Variants in OPN3 observed in about 807,000 individuals in gnomAD.
The protein encoded by OPN3 is opsin-3.
Under a neutral mutation model 33.8 loss-of-function variants are expected in OPN3, and 29 were observed. That is an observed-to-expected ratio of 0.86 (90% CI 0.64 to 1.17). The LOEUF is 1.17. OPN3 is among the 50% of genes most tolerant of loss of function. OPN3 has a pLI of 0.00. For missense variants in OPN3, 437 were observed against 514.1 expected, an observed-to-expected ratio of 0.85 and a Z score of 1.45; for synonymous variants, 216 against 216.1, an observed-to-expected ratio of 1.00 and a Z score of 0.00.
In OPN3 at chr1:241,604,088, T is replaced by A. The variant is rs577350732; in HGVS notation, c.693+172A>T. 1.1e-3 allele frequency among the ~76,000 whole-genome samples: 168 copies of A among 152,308 alleles called. 1 individual carries two copies. The highest frequency in any genetic ancestry group is 1.9e-3 in the Non-Finnish European group (132 of 68,020). Reference sequence around the variant, plus strand: ...GAGAGTAAATGCTATTCCGCATTGATCTTTCCAGAGAGTGACTCATAGCAT... The same window carrying A: ...GAGAGTAAATGCTATTCCGCATTGAACTTTCCAGAGAGTGACTCATAGCAT... On this transcript the variant is annotated intron_variant, in intron 2 of 3. Transcript: ENST00000366554.
intron 1 of OPN3, chr1:241,630,312 T>C (rs1227846587): frequency 1.3e-5 from 2 of 152,092 alleles, no homozygotes; most frequent in African/African-American, 4.8e-5. Flanking sequence ...TTTAAAAATA[T>C]AGCTCTTTAA....
At chr1:241,612,667 C>T (rs988476736) in intron 1 of OPN3, among the ~76,000 whole-genome samples, 2 of 152,172 alleles carry the variant, frequency 1.3e-5, no homozygotes, top group African/African-American at 4.8e-5. Context: ...CTTAACTGCT[C>T]TATGGATAAC....
intron 3 of OPN3, 53 bp from the exon 4 acceptor site, chr1:241,594,744 T>G: frequency 1.9e-6 from 3 of 1,571,642 alleles, no homozygotes; most frequent in East Asian, 2.2e-5. Flanking sequence ...GGCACTAATC[T>G]GGATTAACAT....
In OPN3 at chr1:241,605,055, CAA is replaced by C. The variant is rs35256239; in HGVS notation, c.374-478_374-477del. Among the ~76,000 whole-genome samples, 186 of 126,364 alleles carry C rather than the reference CAA, an allele frequency of 1.5e-3. 2 individuals carry two copies. Among genetic ancestry groups the C allele is most frequent in the Middle Eastern group, 0.012 (3 of 254 alleles). The allele number at this position is 126,364 out of a possible 152,430, so 82.9% of individuals were successfully genotyped here. On this transcript the variant is annotated intron_variant, in intron 1 of 3. Coordinates refer to ENST00000366554, the MANE Select transcript of OPN3 (RefSeq NM_014322.3). Reference sequence around the variant, plus strand: ...TGGGCAACAGAGCCAGACCTTATCTCAAAAAAAAAAAAAATAAAATAAAATAA... The same window carrying C: ...TGGGCAACAGAGCCAGACCTTATCTCAAAAAAAAAAAATAAAATAAAATAA...
intron 1 of OPN3, among the ~76,000 whole-genome samples, chr1:241,637,526 T>TG (rs1212311848): frequency 6.6e-6 from 1 of 152,204 alleles, no homozygotes; most frequent in African/African-American, 2.4e-5. Context: ...GAATCTATGA[T>TG]GGTATCTGAA....
chr1:241,626,885 T>A (rs1664435980), intron 1 of OPN3, among the ~76,000 whole-genome samples: 1 of 152,178 alleles, frequency 6.6e-6, no homozygotes, highest in Non-Finnish European at 1.5e-5. Flanking sequence ...TGTACTAGTA[T>A]CCTCAAGGAT....
Position 241,593,276 on chromosome 1 carries a change from C to G in OPN3, c.*1152G>C. On this transcript the variant is annotated 3_prime_UTR_variant, in exon 4 of 4. Transcript: ENST00000366554. ...AGCAATTTACTAATTTATTCTTCGA[C>G]TACATACTGCAGCAGAACCAGCAAT... 1 of 358,874 alleles carries G rather than the reference C, an allele frequency of 2.8e-6. No homozygotes were observed. The highest frequency in any genetic ancestry group is 2.2e-5 in the South Asian group (1 of 45,928). The allele number at this position is 358,874 out of a possible 1,614,324, so 22.2% of individuals were successfully genotyped here.
chr1:241,612,987 C>T (rs140492328), intron 1 of OPN3, among the ~76,000 whole-genome samples: 145 of 152,280 alleles, frequency 9.5e-4, no homozygotes, highest in Middle Eastern at 6.8e-3. Context: ...TACCGTGCAG[C>T]GGGCATACCA....
chr1:241,611,732 G>T (rs906823316), intron 1 of OPN3, among the ~76,000 whole-genome samples: 1 of 152,162 alleles, frequency 6.6e-6, no homozygotes, highest in African/African-American at 2.4e-5. Flanking sequence ...TGTCCCGAGG[G>T]CTCTGAGGAG....
intron 1 of OPN3, among the ~76,000 whole-genome samples, chr1:241,626,876 G>A (rs973966855): frequency 6.6e-6 from 1 of 152,138 alleles, no homozygotes; most frequent in South Asian, 2.1e-4. Context: ...AAAACACACT[G>A]TACTAGTATC....
At chr1:241,625,330 T>C (rs1405963762) in intron 1 of OPN3, among the ~76,000 whole-genome samples, 3 of 152,192 alleles carry the variant, frequency 2.0e-5, no homozygotes, top group Non-Finnish European at 4.4e-5. Flanking sequence ...ACTATTGTTA[T>C]ATATGTGTAA....
At chr1:241,598,151 C>T (rs1663587739) in intron 2 of OPN3, among the ~76,000 whole-genome samples, 154 bp from the exon 3 acceptor site, 1 of 152,172 alleles carries the variant, frequency 6.6e-6, no homozygotes, top group Non-Finnish European at 1.5e-5. Context: ...TGATCCAAGA[C>T]TCATAGCTGA....
At chr1:241,599,511 CG>C (rs543432923) in intron 2 of OPN3, among the ~76,000 whole-genome samples, 4 of 151,974 alleles carry the variant, frequency 2.6e-5, no homozygotes, top group African/African-American at 9.6e-5. Context: ...TTACCTTTAA[CG>C]GCAAAAACCG....
chr1:241,602,607 T>C (rs1663705169), intron 2 of OPN3, among the ~76,000 whole-genome samples: 1 of 152,046 alleles, frequency 6.6e-6, no homozygotes, highest in Non-Finnish European at 1.5e-5. Context: ...TTCTCTTATT[T>C]ATGCACTCGT....
intron 2 of OPN3, among the ~76,000 whole-genome samples, chr1:241,601,983 G>A (rs540959402): frequency 6.6e-6 from 1 of 152,320 alleles, no homozygotes; most frequent in South Asian, 2.1e-4. Context: ...CATCCAAGTG[G>A]AGGTGTTCAA....
chr1:241,594,328 T>A lies in OPN3; in HGVS notation c.*100A>T. 7.6e-7 allele frequency: 1 copy of A among 1,307,682 alleles called. No individual in the cohort carries two copies. Among genetic ancestry groups the A allele is most frequent in the Non-Finnish European group, 1.1e-6 (1 of 944,088 alleles). The allele number at this position is 1,307,682 out of a possible 1,614,324, so 81.0% of individuals were successfully genotyped here. A position where few individuals can be genotyped will look rare whatever the true frequency, so the allele number is the denominator to read the frequency against. ...TTTCCTGCTGGACCACAAGGTTCTG[T>A]TGATATTACATAGAACGGGTATTCC... is the stretch of plus-strand genomic sequence containing the variant. On this transcript the variant is annotated 3_prime_UTR_variant, in exon 4 of 4. Coordinates refer to ENST00000366554, the MANE Select transcript of OPN3 (RefSeq NM_014322.3).
At chr1:241,638,110 G>A (rs928715187) in intron 1 of OPN3, among the ~76,000 whole-genome samples, 7 of 152,138 alleles carry the variant, frequency 4.6e-5, no homozygotes, top group African/African-American at 1.7e-4. Flanking sequence ...TTAAGTCTCG[G>A]AATCTCTTAT....
chr1:241,635,656 A>C (rs766340832), intron 1 of OPN3: 15 of 1,613,976 alleles, frequency 9.3e-6, no homozygotes, highest in Admixed American at 1.7e-5. Context: ...TTCTTGAATC[A>C]ATATGCAGAA....
At chr1:241,602,637 CAGAG>C (rs772195334) in intron 2 of OPN3, among the ~76,000 whole-genome samples, 1 of 151,272 alleles carries the variant, frequency 6.6e-6, no homozygotes, top group African/African-American at 2.4e-5. Context: ...GAAAGAGAGA[CAGAG>C]AGAGAGAGAT....
Sources: gnomAD v4.1 joint callset for allele counts (sites outside exome capture counted in the v4.1 genomes callset) on GRCh38, gnomAD v4.1.1 for gene constraint, MANE v1.5 for transcripts, NCBI Gene and HGNC (gene_info 2026-07-23, HGNC 2026-07-21) for gene names.